LRRTM4: variants seen among roughly 807,000 people sequenced by gnomAD.
LRRTM4 encodes leucine rich repeat transmembrane neuronal 4.
Under a neutral mutation model 47.6 loss-of-function variants are expected in LRRTM4, and 25 were observed. That is an observed-to-expected ratio of 0.53 (90% CI 0.38 to 0.73). The LOEUF is 0.73. Among genes scored for constraint, LRRTM4 ranks in the 30% least tolerant of loss-of-function variants. LRRTM4 has a pLI of 0.00. For synonymous variants in LRRTM4, 311 were observed against 269.5 expected, an observed-to-expected ratio of 1.15 and a Z score of -1.51; for missense variants, 638 against 713.4, an observed-to-expected ratio of 0.89 and a Z score of 1.20.
At chr2:76,891,912 G>T (rs1366169869) in intron 3 of LRRTM4, among the ~76,000 whole-genome samples, 2 of 151,270 alleles carry the variant, frequency 1.3e-5, no homozygotes, top group African/African-American at 4.8e-5. Flanking sequence ...AAATAAAATC[G>T]AGAAGAAAAA....
chr2:77,081,469 TGATA>T (rs1455383464), intron 3 of LRRTM4, among the ~76,000 whole-genome samples: 26 of 152,176 alleles, frequency 1.7e-4, no homozygotes, highest in African/African-American at 5.3e-4. Context: ...TAAAAATCAC[TGATA>T]TATATATTTA....
chr2:77,142,762 G>A (rs1672157897), intron 3 of LRRTM4, among the ~76,000 whole-genome samples: 1 of 152,116 alleles, frequency 6.6e-6, no homozygotes, highest in Non-Finnish European at 1.5e-5. Context: ...TCAAGACAGT[G>A]TCAAATATAT....
chr2:76,941,765 A>G (rs1370329649), intron 3 of LRRTM4, among the ~76,000 whole-genome samples: 1 of 152,172 alleles, frequency 6.6e-6, no homozygotes, highest in African/African-American at 2.4e-5. Context: ...TAATGCTGCA[A>G]TAAACACACG....
chr2:76,779,417 A>C (rs1674221778), intron 3 of LRRTM4, among the ~76,000 whole-genome samples: 1 of 149,682 alleles, frequency 6.7e-6, no homozygotes, highest in African/African-American at 2.5e-5. Context: ...TAGGTCGCTC[A>C]GGACTTGCTT....
intron 3 of LRRTM4, among the ~76,000 whole-genome samples, chr2:77,495,358 A>G (rs879840174): frequency 6.6e-6 from 1 of 151,854 alleles, no homozygotes; most frequent in Non-Finnish European, 1.5e-5. Flanking sequence ...TTATATTTTT[A>G]TTTCCTTCAC....
chr2:77,226,391 C>T (rs1005909615), intron 3 of LRRTM4, among the ~76,000 whole-genome samples: 2 of 151,576 alleles, frequency 1.3e-5, no homozygotes, highest in African/African-American at 4.8e-5. Flanking sequence ...ATGTTTTTGT[C>T]ATGAGAGCAT....
intron 3 of LRRTM4, among the ~76,000 whole-genome samples, chr2:76,811,401 A>C (rs1221436094): frequency 6.6e-6 from 1 of 152,162 alleles, no homozygotes; most frequent in Non-Finnish European, 1.5e-5. Flanking sequence ...TTTGAAGAGG[A>C]AAGTGTGAGC....
At chr2:76,873,259 G>A (rs1672678828) in intron 3 of LRRTM4, among the ~76,000 whole-genome samples, 2 of 151,800 alleles carry the variant, frequency 1.3e-5, no homozygotes, top group Admixed American at 1.3e-4. Flanking sequence ...AAGACAAGAG[G>A]AAACCCATTT....
chr2:77,150,622 A>G (rs2103783827), intron 3 of LRRTM4, among the ~76,000 whole-genome samples: 1 of 152,334 alleles, frequency 6.6e-6, no homozygotes, highest in South Asian at 2.1e-4. Context: ...ATATATTCAC[A>G]CATATATAAT....
At chr2:76,886,598 G>A (rs886544619) in intron 3 of LRRTM4, among the ~76,000 whole-genome samples, 25 of 152,006 alleles carry the variant, frequency 1.6e-4, no homozygotes, top group Admixed American at 5.2e-4. Flanking sequence ...TCCAAGCGAA[G>A]AAATTGAGAA....
intron 3 of LRRTM4, among the ~76,000 whole-genome samples, chr2:77,023,706 A>G (rs1481269740): frequency 6.6e-6 from 1 of 152,126 alleles, no homozygotes; most frequent in African/African-American, 2.4e-5. Context: ...TCTCATCTCC[A>G]TTTGAGGCCA....
chr2:77,260,376 T>TGA (rs72073546), intron 3 of LRRTM4, among the ~76,000 whole-genome samples: 1 of 84,552 alleles, frequency 1.2e-5, no homozygotes, highest in African/African-American at 6.0e-5. Flanking sequence ...CAAAAAATCG[T>TGA]GTGTGTGTGT....
Position 76,932,825 on chromosome 2 carries a change from G to T in LRRTM4, c.1552-183909C>A, listed in dbSNP as rs186084735. 1.3e-4 allele frequency among the ~76,000 whole-genome samples: 20 copies of T among 151,470 alleles called. No homozygotes were observed. In the East Asian group the frequency reaches 3.9e-3, roughly 29 times the overall value. On this transcript the variant is annotated intron_variant, in intron 3 of 3. Coordinates refer to ENST00000409884, the MANE Select transcript of LRRTM4 (RefSeq NM_001134745.3). ...TAAAGAAATTAATTTGAAATGATGT[G>T]TTCTTTTTTTGGTATTTAATTTTTT... is the stretch of plus-strand genomic sequence containing the variant.
chr2:76,926,758 T>C (rs996675447), intron 3 of LRRTM4, among the ~76,000 whole-genome samples: 7 of 152,156 alleles, frequency 4.6e-5, no homozygotes, highest in Non-Finnish European at 1.0e-4. Flanking sequence ...TTGGACTTTC[T>C]AGCCTCCAGA....
intron 3 of LRRTM4, among the ~76,000 whole-genome samples, chr2:77,061,521 C>T (rs2103800749): frequency 6.6e-6 from 1 of 152,260 alleles, no homozygotes; most frequent in East Asian, 1.9e-4. Context: ...TCGCATCAAT[C>T]TTAGGGGTCA....
chr2:77,259,744 T>C (rs1259535231), intron 3 of LRRTM4, among the ~76,000 whole-genome samples: 1 of 152,012 alleles, frequency 6.6e-6, no homozygotes, highest in Non-Finnish European at 1.5e-5. Flanking sequence ...GCTAAGATAG[T>C]GAGCATGATT....
chr2:77,448,120 C>T (rs1035188434), intron 3 of LRRTM4, among the ~76,000 whole-genome samples: 16 of 152,128 alleles, frequency 1.1e-4, no homozygotes, highest in Admixed American at 7.9e-4. Context: ...CTTATCCACT[C>T]TCGAGGGGCT....
intron 3 of LRRTM4, among the ~76,000 whole-genome samples, chr2:76,750,111 T>A (rs1200281141): frequency 2.0e-5 from 3 of 152,244 alleles, no homozygotes. Flanking sequence ...CATTGTTGGT[T>A]TCCTGTTTTG....
chr2:77,052,451 G>A (rs1168264328), intron 3 of LRRTM4, among the ~76,000 whole-genome samples: 1 of 151,916 alleles, frequency 6.6e-6, no homozygotes, highest in Non-Finnish European at 1.5e-5. Flanking sequence ...TTACAGGTGT[G>A]AGCCACCATG....
Sources: gnomAD v4.1 joint callset for allele counts (sites outside exome capture counted in the v4.1 genomes callset) on GRCh38, gnomAD v4.1.1 for gene constraint, MANE v1.5 for transcripts, NCBI Gene and HGNC (gene_info 2026-07-23, HGNC 2026-07-21) for gene names.